Variants in GAK observed in about 807,000 individuals in gnomAD.
GAK encodes the protein cyclin G associated kinase, also known as cyclin-G-associated kinase.
In GAK, 79 loss-of-function variants were observed where a neutral mutation model predicts 143.9. The ratio of observed to expected loss-of-function variants is 0.55; its 90% CI spans 0.46 to 0.66. GAK has a LOEUF of 0.66. Ranked by LOEUF, GAK falls within the 30% of genes least tolerant of loss-of-function variation. The pLI is 0.00. For missense variants in GAK, 1,693 were observed against 1,779.7 expected (o/e 0.95, Z 0.88); for synonymous variants, 881 against 765.5 (o/e 1.15, Z -2.49).
At chr4:904,349 G>A (rs1313644919) in intron 5 of GAK, among the ~76,000 whole-genome samples, 1 of 131,718 alleles carries the variant, frequency 7.6e-6, no homozygotes, top group East Asian at 2.5e-4. Flanking sequence ...CTAACCGAGC[G>A]GGACCCGCAC....
chr4:905,704 C>T (rs963771508), intron 4 of GAK, among the ~76,000 whole-genome samples: 3 of 151,938 alleles, frequency 2.0e-5, no homozygotes, highest in Non-Finnish European at 2.9e-5. Context: ...ACACTTTGAA[C>T]TCTGCCATGC....
At chr4:865,491 C>T (rs1751014856) in intron 22 of GAK, among the ~76,000 whole-genome samples, 1 of 151,952 alleles carries the variant, frequency 6.6e-6, no homozygotes, top group Non-Finnish European at 1.5e-5. Flanking sequence ...TGAGAACAAG[C>T]ATCTGCGCAT....
At chr4:858,484 C>T (rs548808243) in intron 24 of GAK, among the ~76,000 whole-genome samples, 1 of 152,198 alleles carries the variant, frequency 6.6e-6, no homozygotes, top group Non-Finnish European at 1.5e-5. Context: ...GGTCTCCTCC[C>T]GAGGGCACGG....
At chr4:851,566 C>T in intron 25 of GAK, 184 bp downstream of exon 25, 2 of 631,140 alleles carry the variant, frequency 3.2e-6, no homozygotes, top group Non-Finnish European at 5.5e-6. Context: ...CAAGAGGGAC[C>T]CAGAGGCCTG....
chr4:905,472 TGCCATGCTACGGACTCC>T (rs1720899057), intron 4 of GAK, among the ~76,000 whole-genome samples: 5 of 130,886 alleles, frequency 3.8e-5, no homozygotes, highest in Admixed American at 1.5e-4. Flanking sequence ...CCACGCCCCA[TGCCATGCTACGGACTCC>T]GCCACGCCCC....
chr4:924,203 G>A (rs1286777537), intron 1 of GAK, among the ~76,000 whole-genome samples: 3 of 142,332 alleles, frequency 2.1e-5, no homozygotes, highest in Non-Finnish European at 4.6e-5. Context: ...AAAAATTGCT[G>A]AACATCATCA....
chr4:858,263 T>C (rs1749637752), intron 24 of GAK, among the ~76,000 whole-genome samples: 1 of 152,282 alleles, frequency 6.6e-6, no homozygotes, highest in Non-Finnish European at 1.5e-5. Flanking sequence ...TCGCCAGCTA[T>C]GATTTGGGTT....
At chr4:865,925 C>T (rs1751091211) in intron 22 of GAK, among the ~76,000 whole-genome samples, 3 of 152,372 alleles carry the variant, frequency 2.0e-5, no homozygotes, top group Admixed American at 1.3e-4. Flanking sequence ...ACCTCCTCCC[C>T]ATGGATACGG....
Position 858,373 on chromosome 4 carries a change from G to A in GAK, c.3283+1233C>T, listed in dbSNP as rs540214127. On this transcript the variant is annotated intron_variant, in intron 24 of 27. Transcript: ENST00000314167. Reference sequence around the variant, plus strand: ...CAGGCCGCCCACCGAGCCAGCAGGCGGAGGGCTGGGGCTGTGTCTGGGACA... The same window carrying A: ...CAGGCCGCCCACCGAGCCAGCAGGCAGAGGGCTGGGGCTGTGTCTGGGACA... Among the ~76,000 whole-genome samples the A allele has an allele frequency of 9.8e-5, 15 of 152,302 alleles. No individual in the cohort carries two copies. The East Asian group carries it at 1.9e-3, about 20-fold the overall frequency.
At position 906,293 on chromosome 4, in the gene GAK, T is replaced by G. The variant is rs1202509012; in HGVS notation, c.383-1514A>C. 3.9e-5 allele frequency among the ~76,000 whole-genome samples: 6 copies of G among 152,300 alleles called. No homozygotes were observed. In the East Asian group the frequency reaches 9.6e-4, roughly 24 times the overall value. On this transcript the variant is annotated intron_variant, in intron 4 of 27. Transcript: ENST00000314167. ...ACAAATACACAAGTGCTCAAACCTC[T>G]AAGTGAACACTCAGTGTCCTCAGAT...
In GAK at chr4:866,945, G is replaced by C. The variant is rs1751299298; in HGVS notation, c.2872+11C>G. Reference sequence around the variant, plus strand: ...TGTGAAGCCACTCGCCTTCAGAACAGAAACACGTACCAGCGGCAGGGGGCC... The same window carrying C: ...TGTGAAGCCACTCGCCTTCAGAACACAAACACGTACCAGCGGCAGGGGGCC... On this transcript the variant is annotated intron_variant, in intron 21 of 27. Coordinates refer to ENST00000314167, the MANE Select transcript of GAK (RefSeq NM_005255.4). 2.0e-6 allele frequency: 3 copies of C among 1,477,734 alleles called. No homozygotes were observed. Among genetic ancestry groups the C allele is most frequent in the African/African-American group, 1.4e-5 (1 of 70,658 alleles). 91.5% of individuals were successfully genotyped at this position (1,477,734 alleles called of 1,614,324 possible). A position where few individuals can be genotyped will look rare whatever the true frequency, so the allele number is the denominator to read the frequency against.
At chr4:864,487 G>A (rs962932829) in intron 23 of GAK, among the ~76,000 whole-genome samples, 5 of 152,210 alleles carry the variant, frequency 3.3e-5, no homozygotes, top group African/African-American at 2.4e-5. Context: ...GCAAACCCGC[G>A]ACATCGCTGA....
chr4:896,820 C>T (rs1703181945), intron 6 of GAK, among the ~76,000 whole-genome samples: 1 of 152,256 alleles, frequency 6.6e-6, no homozygotes, highest in Non-Finnish European at 1.5e-5. Context: ...CATGTCGGCA[C>T]CGACGTATTG....
At chr4:881,197 C>T (rs1204543888) in intron 15 of GAK, among the ~76,000 whole-genome samples, 1 of 152,210 alleles carries the variant, frequency 6.6e-6, no homozygotes, top group African/African-American at 2.4e-5. Flanking sequence ...CTCTTCCCTC[C>T]CGCCACGGTG....
chr4:885,369 A>G (rs2152825614), intron 11 of GAK, among the ~76,000 whole-genome samples: 1 of 152,252 alleles, frequency 6.6e-6, no homozygotes, highest in South Asian at 2.1e-4. Context: ...TGAGGTTGGG[A>G]GTTTGAGACC....
chr4:912,339 G>T (rs577710779), intron 3 of GAK: 5 of 368,608 alleles, frequency 1.4e-5, no homozygotes, highest in African/African-American at 8.4e-5. Context: ...AGGGACGAGA[G>T]GGGCGGCTGA....
chr4:900,791 G>T (rs946835099), intron 5 of GAK, among the ~76,000 whole-genome samples: 1 of 152,088 alleles, frequency 6.6e-6, no homozygotes, highest in Non-Finnish European at 1.5e-5. Flanking sequence ...TTTTAGAAAA[G>T]TAAAATACAA....
Position 877,692 on chromosome 4 carries a change from G to T in GAK, c.1779C>A (p.Ser593Arg). The change falls in exon 16 of 28, where the codon AGC becomes AGA. Residue 593 changes from serine to arginine, a missense_variant. Coordinates refer to ENST00000314167, the MANE Select transcript of GAK (RefSeq NM_005255.4). ...TPVPLFSKQR[S>R]GCRPFCEVYV... ...AGACCTCGCAGAAGGGCCTGCAGCCGCTCCTCTGCTTGCTGAACAGCGGCA... is the reference window on the plus strand; with the variant it reads ...AGACCTCGCAGAAGGGCCTGCAGCCTCTCCTCTGCTTGCTGAACAGCGGCA... 1 of 1,613,022 alleles carries T rather than the reference G, an allele frequency of 6.2e-7. No individual in the cohort carries two copies. The highest frequency in any genetic ancestry group is 8.5e-7 in the Non-Finnish European group (1 of 1,179,748).
At chr4:908,747 G>A (rs1721522916) in intron 4 of GAK, among the ~76,000 whole-genome samples, 1 of 152,158 alleles carries the variant, frequency 6.6e-6, no homozygotes, top group African/African-American at 2.4e-5. Flanking sequence ...ATGAATCACT[G>A]CACTCCAGCT....
Sources: gnomAD v4.1 joint callset for allele counts (sites outside exome capture counted in the v4.1 genomes callset) on GRCh38, gnomAD v4.1.1 for gene constraint, MANE v1.5 for transcripts, NCBI Gene and HGNC (gene_info 2026-07-23, HGNC 2026-07-21) for gene names.